The following PRH1 variants were observed in gnomAD, a reference collection of about 807,000 sequenced individuals.
The protein encoded by PRH1 is proline rich protein HaeIII subfamily 1.
In PRH1, 7 loss-of-function variants were observed where a neutral mutation model predicts 7.9. The observed-to-expected ratio is 0.89, with a 90% CI of 0.50 to 1.67. PRH1 has a LOEUF of 1.67. PRH1 is among the 40% of genes most tolerant of loss of function. The probability of loss-of-function intolerance (pLI) is 0.00; values close to 1 mark genes in which losing one functional copy is unlikely to be tolerated. For missense variants in PRH1, 109 were observed against 223.6 expected (o/e 0.49, Z 3.27); for synonymous variants, 45 against 80.8 (o/e 0.56, Z 2.38).
Position 10,908,490 on chromosome 12 carries a change from C to T in PRH1, c.-58-24215G>A, listed in dbSNP as rs374041435. On this transcript the variant is annotated intron_variant, in intron 2 of 3. Coordinates refer to the PRH1 transcript ENST00000539853. ...GGAGTGGCTTGAAGGAGAGAAGACT[C>T]CAATCGTCTCACAAAGCATGTAGAT... 8.1e-6 allele frequency: 13 copies of T among 1,613,720 alleles called. No individual in the cohort carries two copies. In the African/African-American group the frequency reaches 1.5e-4, roughly 18 times the overall value.
chr12:11,124,649 T>A (rs2600368), intron 1 of PRH1, among the ~76,000 whole-genome samples: 1,995 of 123,496 alleles, frequency 0.016, no homozygotes, highest in East Asian at 0.034. Flanking sequence ...TATGTAAACG[T>A]TGTCCAAATT....
downstream of PRH1, among the ~76,000 whole-genome samples, chr12:11,116,028 G>T (rs1945722147): frequency 6.6e-6 from 1 of 151,492 alleles, no homozygotes; most frequent in Non-Finnish European, 1.5e-5. Flanking sequence ...ATTAGTAGAA[G>T]AACACAAATA....
chr12:11,106,321 ATTG>A (rs919992729), intron 1 of PRH1, among the ~76,000 whole-genome samples: 4 of 152,196 alleles, frequency 2.6e-5, no homozygotes, highest in African/African-American at 9.7e-5. Context: ...GATAGAAGAA[ATTG>A]TTGTCCTATA....
intron 1 of PRH1, chr12:11,031,519 A>G: frequency 1.6e-6 from 1 of 623,420 alleles, no homozygotes; most frequent in Non-Finnish European, 2.5e-6. Flanking sequence ...TTGAGAAGAG[A>G]GAAAGGACAA....
At chr12:11,041,677 A>G (rs371900119) in intron 1 of PRH1, among the ~76,000 whole-genome samples, 2 of 152,330 alleles carry the variant, frequency 1.3e-5, no homozygotes, top group South Asian at 2.1e-4. Flanking sequence ...CAGAATAAAC[A>G]TTCTTTTCCT....
chr12:11,135,099 T>C (rs1946507008), intron 1 of PRH1, among the ~76,000 whole-genome samples: 1 of 152,164 alleles, frequency 6.6e-6, no homozygotes, highest in Non-Finnish European at 1.5e-5. Context: ...TTGGTAAAGT[T>C]TCTCTCAAGT....
At chr12:10,905,076 G>A (rs1310014105) in intron 2 of PRH1, among the ~76,000 whole-genome samples, 1 of 151,672 alleles carries the variant, frequency 6.6e-6, no homozygotes, top group East Asian at 1.9e-4. Context: ...TACCCTGTTG[G>A]TGGGCATGCA....
At chr12:11,170,943 C>T (rs998578812) in intron 1 of PRH1, among the ~76,000 whole-genome samples, 4 of 152,230 alleles carry the variant, frequency 2.6e-5, no homozygotes, top group African/African-American at 9.6e-5. Context: ...GGTAAGATTC[C>T]TAACATCCCA....
chr12:11,136,786 T>C (rs1234952668), intron 1 of PRH1, among the ~76,000 whole-genome samples: 1 of 152,154 alleles, frequency 6.6e-6, no homozygotes, highest in East Asian at 1.9e-4. Context: ...TCCCAACATT[T>C]TGTAAGGCTG....
At position 11,090,129 on chromosome 12, in the gene PRH1, T is replaced by C. The variant is rs1168521800; in HGVS notation, n.124-42941A>G. ...TGAACAGGACTGTACATTTCTTTCT[T>C]ATAATAGAACTTCCTATTAAAGAAT... On this transcript the variant is annotated intron_variant and non_coding_transcript_variant, in intron 1 of 4. Transcript: ENST00000541977. Among the ~76,000 whole-genome samples, 9 of 116,578 alleles carry C rather than the reference T, an allele frequency of 7.7e-5. 3 individuals carry two copies. Among genetic ancestry groups the C allele is most frequent in the East Asian group, 4.2e-4 (2 of 4,762 alleles). 76.5% of individuals were successfully genotyped at this position (116,578 alleles called of 152,430 possible). A position where few individuals can be genotyped will look rare whatever the true frequency, so the allele number is the denominator to read the frequency against.
chr12:10,930,398 AT>A, intron 2 of PRH1: 4 of 1,527,354 alleles, frequency 2.6e-6, no homozygotes, highest in Non-Finnish European at 3.6e-6. Context: ...CTTGTCAGGA[AT>A]TGGCTAATAT....
At chr12:10,976,482 A>G (rs530092355) in intron 1 of PRH1, among the ~76,000 whole-genome samples, 1 of 152,306 alleles carries the variant, frequency 6.6e-6, no homozygotes, top group East Asian at 1.9e-4. Context: ...AAGATCTCAA[A>G]TTAACAACCT....
At chr12:10,916,791 T>G (rs1159302925) in intron 2 of PRH1, among the ~76,000 whole-genome samples, 1 of 152,034 alleles carries the variant, frequency 6.6e-6, no homozygotes, top group Non-Finnish European at 1.5e-5. Context: ...CTCACACCTC[T>G]AATCCCAGCA....
At position 10,891,849 on chromosome 12, in the gene PRH1, A is replaced by G. The variant is rs969880760; in HGVS notation, c.-58-7574T>C. The G allele has an allele frequency of 2.0e-5, 3 of 152,184 alleles. No individual in the cohort carries two copies. In the South Asian group the frequency reaches 6.2e-4, roughly 31 times the overall value. 9.4% of individuals were successfully genotyped at this position (152,184 alleles called of 1,614,324 possible). On this transcript the variant is annotated intron_variant, in intron 2 of 3. Coordinates refer to the PRH1 transcript ENST00000539853. The stretch of plus-strand genomic sequence containing the variant: ...AAATTAGGAAACTCCAGTCTTAAAA[A>G]CTTTGATCACTGTGAGTAACCTGTC...
chr12:11,043,158 A>G (rs529125687), intron 1 of PRH1, among the ~76,000 whole-genome samples: 99 of 152,304 alleles, frequency 6.5e-4, no homozygotes, highest in African/African-American at 2.3e-3. Context: ...AAATCAATCA[A>G]TGTAATACAT....
At chr12:11,136,182 C>G (rs1946547104) in intron 1 of PRH1, among the ~76,000 whole-genome samples, 1 of 152,166 alleles carries the variant, frequency 6.6e-6, no homozygotes, top group Non-Finnish European at 1.5e-5. Context: ...GGTATGCAAC[C>G]CTAAACTCCA....
At chr12:11,006,880 G>T (rs940659280) in intron 1 of PRH1, among the ~76,000 whole-genome samples, 12 of 151,812 alleles carry the variant, frequency 7.9e-5, no homozygotes, top group Non-Finnish European at 1.6e-4. Flanking sequence ...CTATTCCACT[G>T]TCTGTTCTTG....
chr12:10,889,417 T>C (rs898945854), intron 2 of PRH1, among the ~76,000 whole-genome samples: 11 of 152,294 alleles, frequency 7.2e-5, no homozygotes, highest in African/African-American at 2.6e-4. Flanking sequence ...AACTATGATG[T>C]CATTTCCTTC....
chr12:11,100,553 G>T (rs1402751048), intron 1 of PRH1, among the ~76,000 whole-genome samples: 2 of 152,228 alleles, frequency 1.3e-5, no homozygotes, highest in Middle Eastern at 3.4e-3. Context: ...TCTATTCCAT[G>T]ATTTAAATTT....
Sources: gnomAD v4.1 joint callset for allele counts (sites outside exome capture counted in the v4.1 genomes callset) on GRCh38, gnomAD v4.1.1 for gene constraint, MANE v1.5 for transcripts, NCBI Gene and HGNC (gene_info 2026-07-23, HGNC 2026-07-21) for gene names.